ALK: variants seen among roughly 807,000 people sequenced by gnomAD.
ALK encodes the protein ALK receptor tyrosine kinase, also known as ALK tyrosine kinase receptor.
Under a neutral mutation model 163.1 loss-of-function variants are expected in ALK, and 74 were observed. The ratio of observed to expected loss-of-function variants is 0.45; its 90% confidence interval spans 0.38 to 0.55. The LOEUF is 0.55. Among genes scored for constraint, ALK ranks in the 20% least tolerant of loss-of-function variants. The pLI is 0.00. For synonymous variants in ALK, 960 were observed against 843.2 expected (o/e 1.14, Z -2.40); for missense variants, 2,063 against 2,105.3 (o/e 0.98, Z 0.39).
At chr2:29,650,403 C>T (rs1344237570) in intron 3 of ALK, among the ~76,000 whole-genome samples, 2 of 152,134 alleles carry the variant, frequency 1.3e-5, no homozygotes, top group Non-Finnish European at 2.9e-5. Flanking sequence ...AAACATATTT[C>T]ACAATATCAC....
intron 1 of ALK, among the ~76,000 whole-genome samples, chr2:29,882,185 G>C (rs1049419265): frequency 6.6e-6 from 1 of 152,306 alleles, no homozygotes; most frequent in South Asian, 2.1e-4. Context: ...AACAAATCTC[G>C]AGGGATTTGA....
At chr2:29,195,329 T>C (rs370246823) in intron 28 of ALK, among the ~76,000 whole-genome samples, 2 of 152,116 alleles carry the variant, frequency 1.3e-5, no homozygotes, top group Non-Finnish European at 2.9e-5. Flanking sequence ...AGGAAGTCTA[T>C]AGATAAAAAT....
intron 1 of ALK, among the ~76,000 whole-genome samples, chr2:29,903,252 T>C (rs748867275): frequency 6.6e-6 from 1 of 152,190 alleles, no homozygotes; most frequent in Non-Finnish European, 1.5e-5. Context: ...CAGTGAACCA[T>C]TAAGAATTGG....
intron 3 of ALK, among the ~76,000 whole-genome samples, chr2:29,611,199 G>C (rs963723731): frequency 2.0e-5 from 3 of 152,170 alleles, no homozygotes; most frequent in Non-Finnish European, 2.9e-5. Context: ...GCCACAGACA[G>C]CATCTTGGCC....
intron 8 of ALK, among the ~76,000 whole-genome samples, chr2:29,298,247 C>T (rs931646856): frequency 1.8e-4 from 28 of 152,350 alleles, no homozygotes; most frequent in Middle Eastern, 3.4e-3. Flanking sequence ...ACTTCACTTA[C>T]ACCTTTCCCA....
intron 3 of ALK, among the ~76,000 whole-genome samples, chr2:29,650,801 G>C (rs1029415631): frequency 6.6e-6 from 1 of 152,098 alleles, no homozygotes; most frequent in Non-Finnish European, 1.5e-5. Context: ...GTGAAAGTGT[G>C]TGCCCCCTCC....
At chr2:29,425,614 G>T (rs1418137492) in intron 4 of ALK, among the ~76,000 whole-genome samples, 1 of 152,170 alleles carries the variant, frequency 6.6e-6, no homozygotes, top group East Asian at 1.9e-4. Context: ...ACCCTGCTCA[G>T]CACTCTGACC....
chr2:29,519,995 T>G (rs1440952589), intron 4 of ALK, among the ~76,000 whole-genome samples: 1 of 152,174 alleles, frequency 6.6e-6, no homozygotes, highest in African/African-American at 2.4e-5. Context: ...ATGTAAAGAC[T>G]AGTAAACTAA....
intron 3 of ALK, among the ~76,000 whole-genome samples, chr2:29,603,024 A>G (rs574278748): frequency 6.6e-6 from 1 of 152,368 alleles, no homozygotes; most frequent in Non-Finnish European, 1.5e-5. Context: ...TGCAGGTCAG[A>G]GGTAGATTCA....
At chr2:29,352,135 G>A (rs949007804) in intron 5 of ALK, among the ~76,000 whole-genome samples, 2 of 152,142 alleles carry the variant, frequency 1.3e-5, no homozygotes, top group Non-Finnish European at 2.9e-5. Flanking sequence ...TTGTGCTACC[G>A]ATTAGTCACA....
At chr2:29,369,168 C>G in intron 5 of ALK, among the ~76,000 whole-genome samples, 1 of 152,192 alleles carries the variant, frequency 6.6e-6, no homozygotes, top group Non-Finnish European at 1.5e-5. Flanking sequence ...TGCCATGTGA[C>G]TGGCACTAGG....
At chr2:29,761,308 TG>T (rs746952524) in intron 1 of ALK, among the ~76,000 whole-genome samples, 4 of 152,188 alleles carry the variant, frequency 2.6e-5, no homozygotes. Context: ...TGGGCCCAGT[TG>T]CCAGTTTTTC....
At chr2:29,305,452 T>C (rs1666484757) in intron 8 of ALK, among the ~76,000 whole-genome samples, 2 of 152,240 alleles carry the variant, frequency 1.3e-5, no homozygotes, top group African/African-American at 4.8e-5. Flanking sequence ...TTACTGAGTA[T>C]TCCTTGTTGA....
At chr2:29,605,638 C>A (rs1047754801) in intron 3 of ALK, among the ~76,000 whole-genome samples, 1 of 152,114 alleles carries the variant, frequency 6.6e-6, no homozygotes, top group African/African-American at 2.4e-5. Context: ...AGAAGGTGGC[C>A]GTCTACGAGC....
chr2:29,598,191 A>G (rs1675269846), intron 3 of ALK, among the ~76,000 whole-genome samples: 1 of 152,170 alleles, frequency 6.6e-6, no homozygotes. Context: ...CACGCCAGCT[A>G]ATTTTTGTAT....
At chr2:29,391,817 C>T (rs999168266) in intron 4 of ALK, among the ~76,000 whole-genome samples, 6 of 152,104 alleles carry the variant, frequency 3.9e-5, no homozygotes, top group Non-Finnish European at 5.9e-5. Context: ...CACTTGAGTT[C>T]CACACCTACT....
chr2:29,270,226 C>T (rs1389809225), intron 11 of ALK, among the ~76,000 whole-genome samples: 1 of 152,238 alleles, frequency 6.6e-6, no homozygotes, highest in Admixed American at 6.5e-5. Context: ...TAAATGTTAT[C>T]TGGCTTAGAA....
At chr2:29,593,696 A>G (rs971435720) in intron 3 of ALK, among the ~76,000 whole-genome samples, 1 of 152,270 alleles carries the variant, frequency 6.6e-6, no homozygotes, top group Non-Finnish European at 1.5e-5. Flanking sequence ...GGATGTGATG[A>G]ACACAGTCAT....
At chr2:29,419,962 C>T (rs536646187) in intron 4 of ALK, among the ~76,000 whole-genome samples, 1 of 151,096 alleles carries the variant, frequency 6.6e-6, no homozygotes, top group Middle Eastern at 3.2e-3. Flanking sequence ...AGTTTGAGAC[C>T]AGCCTGGGCA....
Sources: gnomAD v4.1 joint callset for allele counts (sites outside exome capture counted in the v4.1 genomes callset) on GRCh38, gnomAD v4.1.1 for gene constraint, MANE v1.5 for transcripts, NCBI Gene and HGNC (gene_info 2026-07-23, HGNC 2026-07-21) for gene names.